NFASC: variants seen among roughly 807,000 people sequenced by gnomAD.
The protein encoded by NFASC is neurofascin homolog.
NFASC carries 43 observed loss-of-function variants against 147.5 expected under a neutral mutation model. That is an observed-to-expected ratio of 0.29 (90% CI 0.23 to 0.38). The LOEUF (loss-of-function observed/expected upper bound fraction) is 0.38. Ranked by LOEUF, NFASC falls within the 10% of genes least tolerant of loss-of-function variation. The pLI is 1.00. For synonymous variants in NFASC, 622 were observed against 665.5 expected, an observed-to-expected ratio of 0.93 and a Z score of 1.01; for missense variants, 1,320 against 1,689.0, an observed-to-expected ratio of 0.78 and a Z score of 3.83.
Position 205,002,592 on chromosome 1 carries a change from C to T in NFASC, c.3137-4C>T. 1 of 1,492,376 alleles carries T rather than the reference C, an allele frequency of 6.7e-7. No individual in the cohort carries two copies. 92.4% of individuals were successfully genotyped at this position (1,492,376 alleles called of 1,614,324 possible). The stretch of plus-strand genomic sequence containing the variant: ...CTAGGCTGATTGAGGTTTCTGTTCC[C>T]CAGGCAACCATACGAAAAAAACTGT... On this transcript the variant is annotated splice_polypyrimidine_tract_variant and splice_region_variant and intron_variant, in intron 26 of 29. Transcript: ENST00000339876.
intron 2 of NFASC, among the ~76,000 whole-genome samples, chr1:204,931,796 C>G (rs979114893): frequency 2.6e-5 from 4 of 152,136 alleles, no homozygotes; most frequent in Non-Finnish European, 5.9e-5. Flanking sequence ...TCATCCTAGT[C>G]CAGTTTCCCA....
chr1:204,868,817 A>G (rs575182578), intron 1 of NFASC, among the ~76,000 whole-genome samples: 1 of 152,262 alleles, frequency 6.6e-6, no homozygotes, highest in African/African-American at 2.4e-5. Context: ...GGTCATCTGG[A>G]TGTCACCTGA....
intron 1 of NFASC, among the ~76,000 whole-genome samples, chr1:204,874,948 C>A (rs1167354737): frequency 1.3e-5 from 2 of 152,002 alleles, no homozygotes; most frequent in Non-Finnish European, 2.9e-5. Context: ...TTATTTAGTC[C>A]CTCAGTAACC....
Position 204,973,439 on chromosome 1 carries a change from C to T in NFASC, c.1279+20C>T. ...TGCTGGGTGAGTGTGCCCTTCGCAG[C>T]CTGTTTCCCCCTCCTCTCCACTACT... On this transcript the variant is annotated intron_variant, in intron 12 of 29. Coordinates refer to ENST00000339876, the MANE Select transcript of NFASC (RefSeq NM_001005388.3). 1 of 1,613,550 alleles carries T rather than the reference C, an allele frequency of 6.2e-7. No homozygotes were observed. The highest frequency in any genetic ancestry group is 8.5e-7 in the Non-Finnish European group (1 of 1,179,638).
rs543108388 is a variant in NFASC, at chr1:204,976,614, G to A, written c.1707-57G>A. 54 of 1,347,900 alleles carry A rather than the reference G, an allele frequency of 4.0e-5. No individual in the cohort carries two copies. In the African/African-American group the frequency reaches 6.9e-4, roughly 17 times the overall value. 83.5% of individuals were successfully genotyped at this position (1,347,900 alleles called of 1,614,324 possible). ...ACCCCCTCTAGGGAGAAAGCAATGG[G>A]CAGGACTCAGCACTCCCCTACCCCC... On this transcript the variant is annotated intron_variant, in intron 15 of 29. Transcript: ENST00000339876.
chr1:205,011,214 C>G lies in NFASC; in HGVS notation c.3421+1526C>G, dbSNP rs534476158. Among the ~76,000 whole-genome samples, 83 of 151,610 alleles carry G rather than the reference C, an allele frequency of 5.5e-4. 2 individuals carry two copies. The South Asian group carries it at 0.017, about 30-fold the overall frequency. The stretch of plus-strand genomic sequence containing the variant: ...AACAGGTCCTCCCCCAGGACCCCCC[C>G]CAAAACTCAACACAAAGGAAATAGA... On this transcript the variant is annotated intron_variant, in intron 28 of 29. Coordinates refer to ENST00000339876, the MANE Select transcript of NFASC (RefSeq NM_001005388.3).
Position 205,016,470 on chromosome 1 carries a change from G to A in NFASC, c.3654G>A (p.Lys1218=), listed in dbSNP as rs148890529. The A allele has an allele frequency of 5.7e-5, 92 of 1,614,184 alleles. No homozygotes were observed. The African/African-American group carries it at 1.2e-3, about 20-fold the overall frequency. The change falls in exon 30 of 30, where the codon AAG becomes AAA. Residue 1218 remains lysine (K), a synonymous_variant. Transcript: ENST00000339876. This position sits in a 1 kb window ranked among gnomAD's most constrained non-coding sequence, Gnocchi z 5.1. ...FIGQYTVKKD[K]EETEGNESSE... ...GCCAGTACACGGTCAAAAAGGACAA[G>A]GAGGAAACAGAGGGCAACGAAAGCT...
chr1:204,957,715 T>C lies in NFASC; in HGVS notation c.595T>C (p.Phe199Leu). ...TCAGGGCCATAACGGAGACCTATAC[T>C]TCTCCAACGTGATGCTGCAGGACAT... Reference protein sequence around the residue: ...VSQGHNGDLYFSNVMLQDMQT... With the variant: ...VSQGHNGDLYLSNVMLQDMQT... The change falls in exon 8 of 30, where the codon TTC (phenylalanine) becomes CTC (leucine). Residue 199 changes from phenylalanine to leucine, a missense_variant. Phe to Leu is a conservative substitution (Grantham distance 22, BLOSUM62 0). This residue lies in a region of NFASC where 981 missense variants were observed against 1,289.5 expected (regional missense o/e 0.76). Transcript: ENST00000339876. 1 of 1,614,056 alleles carries C rather than the reference T, an allele frequency of 6.2e-7. No homozygotes were observed. The highest frequency in any genetic ancestry group is 8.5e-7 in the Non-Finnish European group (1 of 1,179,916).
At chr1:204,939,040 GTGTGT>G (rs2093135445) in intron 2 of NFASC, among the ~76,000 whole-genome samples, 3 of 115,650 alleles carry the variant, frequency 2.6e-5, no homozygotes, top group African/African-American at 1.2e-4. Context: ...ATGGATGGAT[GTGTGT>G]GTGTGTGTGT....
chr1:204,843,657 TTCCTTCCTCCCTC>T (rs1676121811), intron 1 of NFASC, among the ~76,000 whole-genome samples: 11 of 105,960 alleles, frequency 1.0e-4, no homozygotes, highest in Admixed American at 6.8e-4. Flanking sequence ...CCTCCCTCCC[TTCCTTCCTCCCTC>T]CCTTCCTCCC....
Position 204,986,095 on chromosome 1 carries a change from G to A in NFASC, c.2471-1323G>A. 1.2e-6 allele frequency: 2 copies of A among 1,613,936 alleles called. No individual in the cohort carries two copies. Among genetic ancestry groups the A allele is most frequent in the Non-Finnish European group, 1.7e-6 (2 of 1,179,756 alleles). On this transcript the variant is annotated intron_variant, in intron 21 of 29. Transcript: ENST00000339876. This position sits in a 1 kb window ranked among gnomAD's most constrained non-coding sequence, Gnocchi z 4.2. ...ATGGGCCTCGCAGTGAGACCAAGGA[G>A]TTCACCACCCCGGAAGGAGGTAGGT...
At position 204,970,506 on chromosome 1, in the gene NFASC, C is replaced by T. The variant is rs146245886; in HGVS notation, c.1004-110C>T. On this transcript the variant is annotated intron_variant, in intron 10 of 29. Transcript: ENST00000339876. ...TGAGCCCTGGGGCAGGTGGTGAGCA[C>T]GTGGTGCTGGGACTCAGGGGCTCCT... The T allele has an allele frequency of 3.8e-4, 482 of 1,278,602 alleles. 1 individual carries two copies. The African/African-American group carries it at 6.0e-3, about 16-fold the overall frequency. The allele number at this position is 1,278,602 out of a possible 1,614,324, so 79.2% of individuals were successfully genotyped here. A position where few individuals can be genotyped will look rare whatever the true frequency, so the allele number is the denominator to read the frequency against.
chr1:205,001,204 G>T lies in NFASC; in HGVS notation c.3054G>T (p.Val1018=). 6.2e-7 allele frequency: 1 copy of T among 1,612,322 alleles called. No homozygotes were observed. The highest frequency in any genetic ancestry group is 8.5e-7 in the Non-Finnish European group (1 of 1,179,176). Residue 1018 remains valine, a synonymous_variant, in exon 26 of 30, where the codon GTG becomes GTT. Coordinates refer to ENST00000339876, the MANE Select transcript of NFASC (RefSeq NM_001005388.3). Reference sequence around the variant, plus strand: ...AGCAGTCCATATGGAACGTCACGGTGCTCCCCAACAGTAAATGGGCCAACA... The same window carrying T: ...AGCAGTCCATATGGAACGTCACGGTTCTCCCCAACAGTAAATGGGCCAACA... ...PDEQSIWNVT[V]LPNSKWANIT...
In NFASC at chr1:205,016,644, C is replaced by A. The variant is rs774410949; in HGVS notation, c.*105C>A. ...ACGAAGCCACCACCACCTTCAGTAA[C>A]AAGGGTACGATATGGGGGTCTGCCA... On this transcript the variant is annotated 3_prime_UTR_variant, in exon 30 of 30. Coordinates refer to ENST00000339876, the MANE Select transcript of NFASC (RefSeq NM_001005388.3). This position sits in a 1 kb window ranked among gnomAD's most constrained non-coding sequence, Gnocchi z 5.1. The A allele has an allele frequency of 9.9e-6, 8 of 808,952 alleles. No homozygotes were observed. Among genetic ancestry groups the A allele is most frequent in the Non-Finnish European group, 1.7e-5 (8 of 474,016 alleles). 50.1% of individuals were successfully genotyped at this position (808,952 alleles called of 1,614,324 possible).
chr1:204,891,729 G>A (rs894027871), intron 1 of NFASC, among the ~76,000 whole-genome samples: 3 of 152,198 alleles, frequency 2.0e-5, no homozygotes, highest in Non-Finnish European at 2.9e-5. Context: ...ACAGAGTGGG[G>A]CTGGAGTAGG....
At chr1:204,892,096 A>C (rs966198906) in intron 1 of NFASC, among the ~76,000 whole-genome samples, 1 of 152,226 alleles carries the variant, frequency 6.6e-6, no homozygotes, top group Non-Finnish European at 1.5e-5. Context: ...AGCAATTTTA[A>C]TCACAGGAAG....
intron 1 of NFASC, among the ~76,000 whole-genome samples, chr1:204,876,075 C>T (rs186243997): frequency 2.4e-4 from 37 of 152,208 alleles, no homozygotes; most frequent in Admixed American, 1.3e-4. Context: ...AGGCATGGGG[C>T]GCTCTTGCTT....
intron 2 of NFASC, among the ~76,000 whole-genome samples, chr1:204,934,841 AG>A (rs2092695626): frequency 6.6e-6 from 1 of 152,226 alleles, no homozygotes; most frequent in South Asian, 2.1e-4. Flanking sequence ...GCTCTGAGAA[AG>A]GGGTAGAGAT....
At chr1:204,888,111 C>T (rs1292429700) in intron 1 of NFASC, among the ~76,000 whole-genome samples, 2 of 152,150 alleles carry the variant, frequency 1.3e-5, no homozygotes, top group Non-Finnish European at 2.9e-5. Context: ...TCTCTTCTCC[C>T]CCTTGGCTCT....
Sources: gnomAD v4.1 joint callset for allele counts (sites outside exome capture counted in the v4.1 genomes callset) on GRCh38, gnomAD v4.1.1 for gene constraint, gnomAD v4.1.1 regional missense constraint, Gnocchi (gnomAD v3.1) non-coding constraint, MANE v1.5 for transcripts, NCBI Gene and HGNC (gene_info 2026-07-23, HGNC 2026-07-21) for gene names.